The following GFAP variants were observed in gnomAD, a reference collection of about 807,000 sequenced individuals.
The protein encoded by GFAP is intermediate filament protein.
GFAP carries 38 observed loss-of-function variants against 49.3 expected under a neutral mutation model. That is an observed-to-expected ratio of 0.77 (90% CI 0.60 to 1.01). The LOEUF (loss-of-function observed/expected upper bound fraction) is 1.01, where lower values mean the gene tolerates loss of function less well. GFAP is among the 50% of genes least tolerant of loss of function. The probability of loss-of-function intolerance (pLI) is 0.00; values close to 1 mark genes in which losing one functional copy is unlikely to be tolerated. For missense variants in GFAP, 463 were observed against 579.1 expected, an observed-to-expected ratio of 0.80 and a Z score of 2.06; for synonymous variants, 222 against 236.4, an observed-to-expected ratio of 0.94 and a Z score of 0.56.
chr17:44,910,845 G>C, intron 6 of GFAP, 187 bp from the exon 7 acceptor site: 1 of 768,294 alleles, frequency 1.3e-6, no homozygotes, highest in Non-Finnish European at 2.1e-6. Flanking sequence ...CAAGGGGCTT[G>C]AGTGTTATCT....
rs557759047 is a variant in GFAP, at chr17:44,903,503, G to C, written c.*3844C>G. The C allele has an allele frequency of 9.5e-5, 122 of 1,280,652 alleles. No homozygotes were observed. The Middle Eastern group carries it at 1.8e-3, about 19-fold the overall frequency. 79.3% of individuals were successfully genotyped at this position (1,280,652 alleles called of 1,614,324 possible). Reference sequence around the variant, plus strand: ...AGAGATCTCCCTGCCCGAGCACCTCGGCCCGCCCTTCTCATTCCGGTTTCC... The same window carrying C: ...AGAGATCTCCCTGCCCGAGCACCTCCGCCCGCCCTTCTCATTCCGGTTTCC... On this transcript the variant is annotated 3_prime_UTR_variant, in exon 9 of 9. Transcript: ENST00000588735.
chr17:44,907,276 G>C lies in GFAP; in HGVS notation c.*71C>G. On this transcript the variant is annotated 3_prime_UTR_variant, in exon 9 of 9. Coordinates refer to ENST00000588735, the MANE Select transcript of GFAP (RefSeq NM_002055.5). ...GGTCTGGGGAAATGTGCCAGCAGAG[G>C]CGGAGCAACTATCCTGCTTCTGCTC... 1 of 1,429,856 alleles carries C rather than the reference G, an allele frequency of 7.0e-7. No individual in the cohort carries two copies. Among genetic ancestry groups the C allele is most frequent in the East Asian group, 2.3e-5 (1 of 44,064 alleles). The allele number at this position is 1,429,856 out of a possible 1,614,324, so 88.6% of individuals were successfully genotyped here. A position where few individuals can be genotyped will look rare whatever the true frequency, so the allele number is the denominator to read the frequency against.
Position 44,904,821 on chromosome 17 carries a change from A to G in GFAP, c.*2526T>C. 6.4e-7 allele frequency: 1 copy of G among 1,550,670 alleles called. No individual in the cohort carries two copies. The highest frequency in any genetic ancestry group is 8.7e-7 in the Non-Finnish European group (1 of 1,146,990). On this transcript the variant is annotated 3_prime_UTR_variant, in exon 9 of 9. Coordinates refer to ENST00000588735, the MANE Select transcript of GFAP (RefSeq NM_002055.5). ...TTCATTGACCACGGCAACCAGCTCC[A>G]CATCCGCTTCACCCAGCTGGATGAC... is the stretch of plus-strand genomic sequence containing the variant.
At position 44,903,327 on chromosome 17, in the gene GFAP, G is replaced by C. The variant is rs1003045339; in HGVS notation, c.*4020C>G. 4.8e-6 allele frequency: 6 copies of C among 1,247,076 alleles called. No homozygotes were observed. The Admixed American group carries it at 1.1e-4, about 23-fold the overall frequency. The allele number at this position is 1,247,076 out of a possible 1,614,324, so 77.3% of individuals were successfully genotyped here. On this transcript the variant is annotated 3_prime_UTR_variant, in exon 9 of 9. Transcript: ENST00000588735. ...CCCCTAGAGACTCAGTTCTTGTGCA[G>C]GTTGGGCCTGGGAAAGTCCCAAGCC...
At chr17:44,908,221 C>T in intron 7 of GFAP, 72 bp from the exon 8 acceptor site, 1 of 942,390 alleles carries the variant, frequency 1.1e-6, no homozygotes, top group Non-Finnish European at 1.8e-6. Context: ...TGCCCGGCTT[C>T]CCCATCGCAC....
intron 7 of GFAP, 97 bp from the exon 8 acceptor site, chr17:44,908,246 T>C (rs1455788370): frequency 1.2e-6 from 1 of 839,616 alleles, no homozygotes; most frequent in East Asian, 2.4e-5. Flanking sequence ...CTCCCCATCA[T>C]GAGTATGAGA....
At position 44,911,491 on chromosome 17, in the gene GFAP, C is replaced by G. The variant is rs773179736; in HGVS notation, c.907-35G>C. ...GGAGCCGGCCGGTCCCGCGGAGCCC[C>G]GACCCGACTTGGGGAGGTTTCGAGG... On this transcript the variant is annotated intron_variant, in intron 5 of 8. Coordinates refer to ENST00000588735, the MANE Select transcript of GFAP (RefSeq NM_002055.5). 1.1e-5 allele frequency: 18 copies of G among 1,574,636 alleles called. 1 individual carries two copies. The highest frequency in any genetic ancestry group is 8.5e-5 in the Admixed American group (5 of 58,622).
intron 4 of GFAP, chr17:44,912,324 T>G (rs1567775207): frequency 6.4e-6 from 1 of 156,160 alleles, no homozygotes; most frequent in Non-Finnish European, 1.4e-5. Context: ...GGTTTCACCA[T>G]GTTGACCAGG....
intron 6 of GFAP, 125 bp from the exon 7 acceptor site, chr17:44,910,783 T>A: frequency 7.2e-7 from 1 of 1,395,428 alleles, no homozygotes; most frequent in Non-Finnish European, 9.7e-7. Context: ...TAACTCCATC[T>A]CCTAGCTTTT....
At chr17:44,909,462 A>G (rs1320525648) in intron 7 of GFAP, 1 of 152,034 alleles carries the variant, frequency 6.6e-6, no homozygotes, top group African/African-American at 2.4e-5. Flanking sequence ...TATTACCTCT[A>G]CTAGTCAGCC....
chr17:44,913,609 ATC>A (rs527590236), intron 3 of GFAP, 117 bp downstream of exon 3: 37 of 1,041,162 alleles, frequency 3.6e-5, no homozygotes, highest in Non-Finnish European at 5.3e-5. Flanking sequence ...CTACCTGCCA[ATC>A]TCTGTTTCTC....
At chr17:44,910,206 CT>C in intron 7 of GFAP, 1 of 1,613,900 alleles carries the variant, frequency 6.2e-7, no homozygotes, top group Non-Finnish European at 8.5e-7. Flanking sequence ...TATTGTGAGG[CT>C]TTTGAGATAT....
chr17:44,913,894 C>T, intron 2 of GFAP, 71 bp from the exon 3 acceptor site: 1 of 1,400,510 alleles, frequency 7.1e-7, no homozygotes, highest in Non-Finnish European at 1.0e-6. Flanking sequence ...ATTCCTCAGC[C>T]TTGCCTTACC....
chr17:44,913,524 G>A, intron 3 of GFAP, 94 bp from the exon 4 acceptor site: 1 of 1,383,154 alleles, frequency 7.2e-7, no homozygotes, highest in Non-Finnish European at 1.0e-6. Flanking sequence ...CTGCCCCTCG[G>A]CCAGGAGTTC....
At position 44,915,472 on chromosome 17, in the gene GFAP, G is replaced by A. The variant is rs772473160; in HGVS notation, c.15C>T (p.Arg5=). The A allele has an allele frequency of 2.5e-6, 4 of 1,586,256 alleles. No homozygotes were observed. Among genetic ancestry groups the A allele is most frequent in the Non-Finnish European group, 3.4e-6 (4 of 1,167,202 alleles). ...AGGAGCGGCGAGCAGCGGAGGTGAT[G>A]CGTCTCCTCTCCATCCTGCTCTGGC... The part of the protein sequence containing the change: MERR[R]ITSAARRSYV... The change falls in exon 1 of 9, where the codon CGC becomes CGT. Residue 5 remains arginine, a synonymous_variant. Transcript: ENST00000588735. The surrounding 1 kb of genome is among the most constrained non-coding windows in gnomAD (Gnocchi z 4.1).
At chr17:44,908,427 G>A (rs1345479479) in intron 7 of GFAP, 4 of 361,534 alleles carry the variant, frequency 1.1e-5, no homozygotes, top group Non-Finnish European at 1.0e-5. Flanking sequence ...AACCCAGCAC[G>A]GTATTGAAAT....
At chr17:44,913,147 G>T in intron 4 of GFAP, 122 bp downstream of exon 4, 3 of 978,852 alleles carry the variant, frequency 3.1e-6, no homozygotes, top group Non-Finnish European at 3.3e-6. Flanking sequence ...CACTTCTCTG[G>T]TGAAAGTCAG....
intron 7 of GFAP, chr17:44,909,375 GTCCCC>G (rs954265372): frequency 1.3e-5 from 2 of 152,176 alleles, no homozygotes; most frequent in Admixed American, 1.3e-4. Flanking sequence ...TCCCTTTCCT[GTCCCC>G]TTTCCTCTTT....
Position 44,904,785 on chromosome 17 carries a change from C to G in GFAP, c.*2562G>C. Reference sequence around the variant, plus strand: ...CAGTACCTGAAGGGTGTCAACAGGTCCATGAGGGTGTTCATTGACCACGGC... The same window carrying G: ...CAGTACCTGAAGGGTGTCAACAGGTGCATGAGGGTGTTCATTGACCACGGC... On this transcript the variant is annotated 3_prime_UTR_variant, in exon 9 of 9. Coordinates refer to ENST00000588735, the MANE Select transcript of GFAP (RefSeq NM_002055.5). 6.4e-7 allele frequency: 1 copy of G among 1,550,624 alleles called. No homozygotes were observed. The highest frequency in any genetic ancestry group is 2.4e-5 in the East Asian group (1 of 40,916).
Sources: allele counts gnomAD v4.1 joint callset, GRCh38; gene constraint gnomAD v4.1.1; non-coding constraint Gnocchi (gnomAD v3.1); transcripts MANE v1.5; gene names NCBI Gene and HGNC (gene_info 2026-07-23, HGNC 2026-07-21).